SPIDR: variants seen among roughly 807,000 people sequenced by gnomAD.
The protein encoded by SPIDR is DNA repair-scaffolding protein.
In SPIDR, 93 loss-of-function variants were observed where a neutral mutation model predicts 104.6. That is an observed-to-expected ratio of 0.89 (90% CI 0.75 to 1.06). The LOEUF is 1.06. Among genes scored for constraint, SPIDR ranks in the 50% least tolerant of loss-of-function variants. SPIDR has a pLI of 0.00. For missense variants in SPIDR, 1,154 were observed against 1,111.2 expected, an observed-to-expected ratio of 1.04 and a Z score of -0.55; for synonymous variants, 431 against 416.9, an observed-to-expected ratio of 1.03 and a Z score of -0.41.
rs567424521 is a variant in SPIDR at position 47,668,245 on chromosome 8, G to A, written c.1545-5556G>A. ...ATGATCTTGATACCAAATGTAGTAT[G>A]AAAAATAAAATTAAAGACCAATATC... On this transcript the variant is annotated intron_variant, in intron 10 of 19. Coordinates refer to ENST00000297423, the MANE Select transcript of SPIDR (RefSeq NM_001080394.4). Among the ~76,000 whole-genome samples, 9 of 152,112 alleles carry A rather than the reference G, an allele frequency of 5.9e-5. No individual in the cohort carries two copies. In the South Asian group the frequency reaches 1.9e-3, roughly 32 times the overall value.
intron 5 of SPIDR, among the ~76,000 whole-genome samples, chr8:47,321,425 C>T (rs1043783141): frequency 6.6e-6 from 1 of 152,114 alleles, no homozygotes; most frequent in Non-Finnish European, 1.5e-5. Flanking sequence ...CTACAAACCA[C>T]TGCTCAATGA....
At chr8:47,636,135 A>C (rs1178250551) in intron 10 of SPIDR, among the ~76,000 whole-genome samples, 1 of 152,162 alleles carries the variant, frequency 6.6e-6, no homozygotes, top group African/African-American at 2.4e-5. Context: ...ACATTTTGGC[A>C]ATTCTCATAA....
chr8:47,410,005 G>A (rs1554670072), intron 7 of SPIDR, among the ~76,000 whole-genome samples: 1 of 152,140 alleles, frequency 6.6e-6, no homozygotes, highest in Non-Finnish European at 1.5e-5. Context: ...ACCAGCCTGT[G>A]TGACACAGCA....
In SPIDR at chr8:47,482,266, AT is replaced by A. The variant is rs530242420; in HGVS notation, c.1097+41725del. Among the ~76,000 whole-genome samples, 371 of 152,058 alleles carry A rather than the reference AT, an allele frequency of 2.4e-3. 2 individuals carry two copies. The highest frequency in any genetic ancestry group is 4.5e-3 in the Non-Finnish European group (309 of 67,982). On this transcript the variant is annotated intron_variant, in intron 8 of 19. Coordinates refer to ENST00000297423, the MANE Select transcript of SPIDR (RefSeq NM_001080394.4). ...TATACATCTTTCCATTTCTGACCTAATCCCAGCACTTTGGGAGGCTGAGCCG... is the reference window on the plus strand; with the variant it reads ...TATACATCTTTCCATTTCTGACCTAACCCAGCACTTTGGGAGGCTGAGCCG...
At chr8:47,689,825 C>A (rs555527039) in intron 11 of SPIDR, among the ~76,000 whole-genome samples, 1 of 152,296 alleles carries the variant, frequency 6.6e-6, no homozygotes, top group South Asian at 2.1e-4. Context: ...ACACTGCAGG[C>A]TGCTTACTGA....
At chr8:47,321,581 T>C (rs1157237349) in intron 5 of SPIDR, among the ~76,000 whole-genome samples, 2 of 152,084 alleles carry the variant, frequency 1.3e-5, no homozygotes, top group African/African-American at 4.8e-5. Flanking sequence ...CTGCACAGAA[T>C]TGGAAAAAAC....
chr8:47,670,896 G>A (rs953743538), intron 10 of SPIDR, among the ~76,000 whole-genome samples: 25 of 151,994 alleles, frequency 1.6e-4, no homozygotes, highest in Non-Finnish European at 2.4e-4. Flanking sequence ...CCTAGAGTAC[G>A]TAATTTAGAA....
rs1033254862 is a variant in SPIDR, at chr8:47,363,993, G to C, written c.526-32383G>C. Among the ~76,000 whole-genome samples the C allele has an allele frequency of 3.3e-5, 5 of 152,270 alleles. No individual in the cohort carries two copies. In the South Asian group the frequency reaches 6.2e-4, roughly 19 times the overall value. On this transcript the variant is annotated intron_variant, in intron 5 of 19. Transcript: ENST00000297423. ...CCCTGTAGAGGGTCTACACTCATTT[G>C]AAGGTAGGATTCTTTGTTCTAAATA... is the stretch of plus-strand genomic sequence containing the variant.
chr8:47,372,149 T>C (rs2058113165), intron 5 of SPIDR, among the ~76,000 whole-genome samples: 2 of 152,204 alleles, frequency 1.3e-5, no homozygotes, highest in Non-Finnish European at 2.9e-5. Context: ...CCTGTGACTC[T>C]GATGTTTTTG....
intron 5 of SPIDR, among the ~76,000 whole-genome samples, chr8:47,324,160 C>G (rs2047266639): frequency 6.6e-6 from 1 of 152,088 alleles, no homozygotes; most frequent in Admixed American, 6.6e-5. Flanking sequence ...TCTTACCATT[C>G]TATTAATAAA....
chr8:47,632,452 C>T (rs755793095), intron 10 of SPIDR, among the ~76,000 whole-genome samples: 3 of 152,088 alleles, frequency 2.0e-5, no homozygotes, highest in Admixed American at 6.6e-5. Context: ...TTTTAAGTAC[C>T]ATTATAGGTT....
intron 5 of SPIDR, among the ~76,000 whole-genome samples, chr8:47,342,686 G>A (rs1013289093): frequency 2.6e-5 from 4 of 152,014 alleles, no homozygotes; most frequent in African/African-American, 9.7e-5. Context: ...AGCACACATT[G>A]TACACTCCTT....
chr8:47,651,842 G>GT (rs1401651973), intron 10 of SPIDR, among the ~76,000 whole-genome samples: 1 of 152,078 alleles, frequency 6.6e-6, no homozygotes, highest in East Asian at 1.9e-4. Flanking sequence ...TCTAAATGAA[G>GT]TAACTCAGGA....
intron 8 of SPIDR, among the ~76,000 whole-genome samples, chr8:47,491,458 C>T (rs1554739510): frequency 6.6e-6 from 1 of 151,748 alleles, no homozygotes; most frequent in African/African-American, 2.4e-5. Flanking sequence ...TCAGTAGCCA[C>T]AGTGACCACA....
chr8:47,550,276 A>C (rs1008471062), intron 8 of SPIDR, among the ~76,000 whole-genome samples: 7 of 152,184 alleles, frequency 4.6e-5, no homozygotes, highest in African/African-American at 9.6e-5. Flanking sequence ...TATGAACTTT[A>C]AAGTAGTTTT....
intron 8 of SPIDR, among the ~76,000 whole-genome samples, chr8:47,572,776 CAG>C (rs1299194104): frequency 6.6e-6 from 1 of 151,976 alleles, no homozygotes; most frequent in African/African-American, 2.4e-5. Flanking sequence ...ATTTTTGAGA[CAG>C]AAATAAAAGA....
At chr8:47,647,433 G>T (rs2070608151) in intron 10 of SPIDR, among the ~76,000 whole-genome samples, 1 of 152,070 alleles carries the variant, frequency 6.6e-6, no homozygotes, top group Non-Finnish European at 1.5e-5. Flanking sequence ...TGGCCAGCAT[G>T]GTGAAAACCT....
intron 7 of SPIDR, among the ~76,000 whole-genome samples, chr8:47,433,823 G>A (rs1326911868): frequency 6.6e-6 from 1 of 152,188 alleles, no homozygotes. Flanking sequence ...AGGGTATACT[G>A]TGAACATTAA....
intron 10 of SPIDR, among the ~76,000 whole-genome samples, chr8:47,651,551 A>G (rs1170178056): frequency 6.6e-6 from 1 of 152,242 alleles, no homozygotes; most frequent in Non-Finnish European, 1.5e-5. Flanking sequence ...GATTCCTTAA[A>G]GAGCTAAAAG....
Sources: allele counts gnomAD v4.1 joint callset (sites outside exome capture counted in the v4.1 genomes callset), GRCh38; gene constraint gnomAD v4.1.1; transcripts MANE v1.5; gene names NCBI Gene and HGNC (gene_info 2026-07-23, HGNC 2026-07-21).